Variants in ZDHHC11 observed in about 807,000 individuals in gnomAD.
ZDHHC11 encodes zDHHC palmitoyltransferase 11, also known as palmitoyltransferase ZDHHC11.
A neutral mutation model predicts 51.3 loss-of-function variants in ZDHHC11; 44 were observed. The ratio of observed to expected loss-of-function variants is 0.86; its 90% CI spans 0.67 to 1.10. The LOEUF is 1.10. Among genes scored for constraint, ZDHHC11 ranks in the 50% least tolerant of loss-of-function variants. The pLI is 0.00. For synonymous variants in ZDHHC11, 163 were observed against 222.0 expected, an observed-to-expected ratio of 0.73 and a Z score of 2.36; for missense variants, 400 against 537.7, an observed-to-expected ratio of 0.74 and a Z score of 2.53.
intron 1 of ZDHHC11, among the ~76,000 whole-genome samples, chr5:858,376 T>TCCC (rs150431403): frequency 2.6e-5 from 3 of 116,388 alleles, no homozygotes; most frequent in African/African-American, 1.1e-4. Context: ...GACACCGTGG[T>TCCC]CCCCCAAGTC....
At chr5:855,914 C>T (rs551939197), upstream of ZDHHC11, among the ~76,000 whole-genome samples, 1 of 149,574 alleles carries the variant, frequency 6.7e-6, no homozygotes. Context: ...ATAGACCCCA[C>T]CGAGGACAGC....
chr5:855,821 A>G (rs944290977), upstream of ZDHHC11, among the ~76,000 whole-genome samples: 1 of 148,770 alleles, frequency 6.7e-6, no homozygotes, highest in Non-Finnish European at 1.5e-5. Context: ...CACAGAGGAC[A>G]GTGAGCCGGG....
At chr5:799,356 C>G (rs1243917560) in intron 12 of ZDHHC11, among the ~76,000 whole-genome samples, 2 of 151,222 alleles carry the variant, frequency 1.3e-5, no homozygotes, top group Admixed American at 6.6e-5. Context: ...TCACCACATG[C>G]AGAGCTCAAT....
chr5:840,563 A>C lies in ZDHHC11; in HGVS notation c.716T>G (p.Leu239Arg), dbSNP rs201660034. ...GCCAAGAAAGTCCAGCAGGAGCACG[A>C]GCATCCCGATGATCACGACTATCAG... is the stretch of plus-strand genomic sequence containing the variant. ...QTLIVVIIGM[L>R]VLLLDFLGLV... The change falls in exon 5 of 13, where the codon CTC (leucine) becomes CGC (arginine). Residue 239 changes from leucine (L) to arginine (R), a missense_variant. Around this residue, in one of 5 missense-constraint regions of ZDHHC11, gnomAD observed 231 missense variants for 227.4 expected, o/e 1.02. Coordinates refer to ENST00000283441, the MANE Select transcript of ZDHHC11 (RefSeq NM_024786.3). The C allele has an allele frequency of 6.1e-5, 98 of 1,613,822 alleles. No homozygotes were observed. Among genetic ancestry groups the C allele is most frequent in the Non-Finnish European group, 4.3e-5 (51 of 1,179,838 alleles).
chr5:849,675 G>A (rs1192898329), intron 1 of ZDHHC11: 1 of 152,354 alleles, frequency 6.6e-6, no homozygotes. Flanking sequence ...CTCTTTCTTG[G>A]GCCCTCTGGG....
At position 823,828 on chromosome 5, in the gene ZDHHC11, C is replaced by T. The variant is rs2277060; in HGVS notation, c.1023+1336G>A. ...AATGCACCTGTGCAGAAGGTGTCAA[C>T]GTGGACAAACACAGGCAGAGAAACT... On this transcript the variant is annotated intron_variant, in intron 8 of 12. Transcript: ENST00000283441. 39 of 343,322 alleles carry T rather than the reference C, an allele frequency of 1.1e-4. No individual in the cohort carries two copies. In the East Asian group the frequency reaches 2.0e-3, roughly 18 times the overall value. The allele number at this position is 343,322 out of a possible 1,614,324, so 21.3% of individuals were successfully genotyped here.
In ZDHHC11 at chr5:827,447, GAA is replaced by G. The variant is rs796905293; in HGVS notation, c.936-2198_936-2197del. On this transcript the variant is annotated intron_variant, in intron 7 of 12. Transcript: ENST00000283441. ...AAAAAATACAGAGTGGAAGAATGGA[GAA>G]AAATCCACCAACCAAGTATCTGCTG... Among the ~76,000 whole-genome samples the G allele has an allele frequency of 5.3e-5, 8 of 151,266 alleles. No homozygotes were observed. The South Asian group carries it at 1.0e-3, about 20-fold the overall frequency.
In ZDHHC11 at chr5:850,902, G is replaced by T. The variant is rs73730974; in HGVS notation, c.-300C>A. On this transcript the variant is annotated 5_prime_UTR_variant, in exon 1 of 13. Coordinates refer to ENST00000283441, the MANE Select transcript of ZDHHC11 (RefSeq NM_024786.3). ...TGGAGGACCCAGTGCCCGCGCGACC[G>T]CCCATCAGTTCCCCTGAGGATTTGT... The T allele has an allele frequency of 0.01, 5,259 of 512,132 alleles. 190 individuals are homozygous for T. Among genetic ancestry groups the T allele is most frequent in the African/African-American group, 0.081 (4,209 of 51,670 alleles). 31.7% of individuals were successfully genotyped at this position (512,132 alleles called of 1,614,324 possible).
chr5:814,832 C>G (rs765450153), intron 10 of ZDHHC11, 37 bp from the exon 11 acceptor site: 27 of 1,508,296 alleles, frequency 1.8e-5, no homozygotes, highest in Non-Finnish European at 2.0e-5. Context: ...ATAGGATGAA[C>G]AAAGACCTTG....
chr5:800,227 C>T (rs1397793210), intron 12 of ZDHHC11, among the ~76,000 whole-genome samples: 199 of 150,770 alleles, frequency 1.3e-3, no homozygotes, highest in African/African-American at 4.3e-3. Context: ...TGATGTTTTG[C>T]CCGATCATAG....
intron 6 of ZDHHC11, among the ~76,000 whole-genome samples, chr5:836,736 C>T (rs1743910353): frequency 6.7e-6 from 1 of 149,510 alleles, no homozygotes; most frequent in African/African-American, 2.5e-5. Context: ...TGTCACTTAA[C>T]CGGAAAGGGA....
rs1372018014 is a variant in ZDHHC11 at position 847,200 on chromosome 5, G to A, written c.503+314C>T. Reference sequence around the variant, plus strand: ...TTGTGCTGGATGAGCCTCAGCCTGGGTGGAGAGAAGGCAGCCCAGCCCAGG... The same window carrying A: ...TTGTGCTGGATGAGCCTCAGCCTGGATGGAGAGAAGGCAGCCCAGCCCAGG... On this transcript the variant is annotated intron_variant, in intron 3 of 12. Transcript: ENST00000283441. 3.3e-5 allele frequency among the ~76,000 whole-genome samples: 5 copies of A among 151,854 alleles called. No individual in the cohort carries two copies. The East Asian group carries it at 9.6e-4, about 29-fold the overall frequency.
Position 858,072 on chromosome 5 carries a change from T to A in ZDHHC11, c.-1+802A>T, listed in dbSNP as rs138513394. Reference sequence around the variant, plus strand: ...TCCCCTGAGTCTGTCCAGGTCCCTGTCATGTCTTTATGACACCAGGCCCCT... The same window carrying A: ...TCCCCTGAGTCTGTCCAGGTCCCTGACATGTCTTTATGACACCAGGCCCCT... On this transcript the variant is annotated intron_variant, in intron 1 of 3. Transcript: ENST00000685990. Among the ~76,000 whole-genome samples, 722 of 134,450 alleles carry A rather than the reference T, an allele frequency of 5.4e-3. 25 individuals are homozygous for A. Among genetic ancestry groups the A allele is most frequent in the African/African-American group, 0.019 (653 of 33,504 alleles). The allele number at this position is 134,450 out of a possible 152,430, so 88.2% of individuals were successfully genotyped here.
Position 825,267 on chromosome 5 carries a change from G to T in ZDHHC11, c.936-16C>A. ...GGCTTTGACTCTGGTGGGACAGAAAGGAGGAGAGAAACTCATCTCAGCTTT... is the reference window on the plus strand; with the variant it reads ...GGCTTTGACTCTGGTGGGACAGAAATGAGGAGAGAAACTCATCTCAGCTTT... On this transcript the variant is annotated splice_polypyrimidine_tract_variant and intron_variant, in intron 7 of 12. Coordinates refer to ENST00000283441, the MANE Select transcript of ZDHHC11 (RefSeq NM_024786.3). The T allele has an allele frequency of 6.2e-7, 1 of 1,610,192 alleles. No homozygotes were observed. The highest frequency in any genetic ancestry group is 1.1e-5 in the South Asian group (1 of 90,922).
At chr5:846,307 C>T (rs1365139761) in intron 3 of ZDHHC11, among the ~76,000 whole-genome samples, 1 of 151,192 alleles carries the variant, frequency 6.6e-6, no homozygotes, top group East Asian at 1.9e-4. Flanking sequence ...CACTCCCACG[C>T]ACACCAAGGC....
rs185882925 is a variant in ZDHHC11, at chr5:836,285, G to A, written c.900+1080C>T. ...TGATTGGCATGATTGCGTGGTTACCGTTCTCTATTGGACTAACGTGCTGAG... is the reference window on the plus strand; with the variant it reads ...TGATTGGCATGATTGCGTGGTTACCATTCTCTATTGGACTAACGTGCTGAG... On this transcript the variant is annotated intron_variant, in intron 6 of 12. Transcript: ENST00000283441. Among the ~76,000 whole-genome samples, 13 of 150,480 alleles carry A rather than the reference G, an allele frequency of 8.6e-5. 2 individuals carry two copies. The highest frequency in any genetic ancestry group is 2.9e-4 in the African/African-American group (12 of 40,914).
intron 11 of ZDHHC11, among the ~76,000 whole-genome samples, chr5:808,667 T>A (rs971365671): frequency 3.4e-5 from 5 of 148,418 alleles, no homozygotes. Context: ...TCCCGAGGAA[T>A]GGGATTACAG....
intron 11 of ZDHHC11, among the ~76,000 whole-genome samples, chr5:809,107 C>A: frequency 6.8e-6 from 1 of 146,658 alleles, no homozygotes; most frequent in Non-Finnish European, 1.5e-5. Flanking sequence ...AAAGGCTTTA[C>A]AAAAAAATAA....
At chr5:801,783 C>T (rs1418634094) in intron 11 of ZDHHC11, among the ~76,000 whole-genome samples, 5 of 151,086 alleles carry the variant, frequency 3.3e-5, no homozygotes, top group African/African-American at 1.2e-4. Flanking sequence ...ACCAGAAACA[C>T]GCAAAATTTT....
Sources: gnomAD v4.1 joint callset for allele counts (sites outside exome capture counted in the v4.1 genomes callset) on GRCh38, gnomAD v4.1.1 for gene constraint, gnomAD v4.1.1 regional missense constraint, MANE v1.5 for transcripts, NCBI Gene and HGNC (gene_info 2026-07-23, HGNC 2026-07-21) for gene names.